The following DENND11 variants were observed in gnomAD, a reference collection of about 807,000 sequenced individuals.
The protein encoded by DENND11 is DENN domain containing 11, also known as DENN domain-containing protein 11.
In DENND11, 34 loss-of-function variants were observed where a neutral mutation model predicts 49.2. The observed-to-expected ratio is 0.69, with a 90% CI of 0.53 to 0.92. The LOEUF (loss-of-function observed/expected upper bound fraction) is 0.92. Ranked by LOEUF, DENND11 falls within the 40% of genes least tolerant of loss-of-function variation. The pLI is 0.00. For synonymous variants in DENND11, 238 were observed against 230.3 expected (o/e 1.03, Z -0.30); for missense variants, 475 against 581.6 (o/e 0.82, Z 1.88).
intron 1 of DENND11, 148 bp downstream of exon 1, chr7:141,701,738 C>T: frequency 1.6e-6 from 1 of 636,426 alleles, no homozygotes; most frequent in Non-Finnish European, 2.1e-6. Flanking sequence ...CCCCGCCCTT[C>T]CCCAAGCCCG....
At chr7:141,670,449 A>T (rs1797963783) in intron 4 of DENND11, among the ~76,000 whole-genome samples, 1 of 152,238 alleles carries the variant, frequency 6.6e-6, no homozygotes, top group South Asian at 2.1e-4. Context: ...AGAAAATTTA[A>T]TACATGTAAA....
chr7:141,661,841 T>C lies in DENND11; in HGVS notation c.*815A>G, dbSNP rs1466809086. 6.6e-6 allele frequency: 1 copy of C among 152,254 alleles called. No individual in the cohort carries two copies. The highest frequency in any genetic ancestry group is 6.5e-5 in the Admixed American group (1 of 15,290). The allele number at this position is 152,254 out of a possible 1,614,324, so 9.4% of individuals were successfully genotyped here. ...TACCCAACTTACTCCAAGAGCATTA[T>C]TGAACCCTTAAGAGACTAAACTGGA... On this transcript the variant is annotated 3_prime_UTR_variant, in exon 9 of 9. Transcript: ENST00000536163.
intron 1 of DENND11, among the ~76,000 whole-genome samples, chr7:141,694,664 C>T (rs1415529469): frequency 6.6e-6 from 1 of 152,204 alleles, no homozygotes; most frequent in Non-Finnish European, 1.5e-5. Context: ...TCTCCACACA[C>T]AGTCAGTTCT....
rs1184146703 is a variant in DENND11 at position 141,681,247 on chromosome 7, A to T, written c.527+4231T>A. Among the ~76,000 whole-genome samples, 3 of 152,240 alleles carry T rather than the reference A, an allele frequency of 2.0e-5. No individual in the cohort carries two copies. In the East Asian group the frequency reaches 5.8e-4, roughly 29 times the overall value. On this transcript the variant is annotated intron_variant, in intron 3 of 8. Transcript: ENST00000536163. Reference sequence around the variant, plus strand: ...TTTAGTGAGCTACTGTAAGAATAAGATAAAAACAAACAAGAACTGGCTGGT... The same window carrying T: ...TTTAGTGAGCTACTGTAAGAATAAGTTAAAAACAAACAAGAACTGGCTGGT...
intron 1 of DENND11, among the ~76,000 whole-genome samples, chr7:141,695,361 G>GA (rs1477512963): frequency 1.3e-5 from 2 of 151,928 alleles, no homozygotes; most frequent in East Asian, 3.9e-4. Context: ...ATAGCAATGT[G>GA]AAAAAAAGGA....
chr7:141,663,224 A>G, intron 8 of DENND11: 1 of 183,174 alleles, frequency 5.5e-6, no homozygotes, highest in Non-Finnish European at 1.1e-5. Flanking sequence ...CAACAACAAC[A>G]AAATGAACGT....
At chr7:141,687,009 T>C (rs75733697) in intron 1 of DENND11, among the ~76,000 whole-genome samples, 1,586 of 152,298 alleles carry the variant, frequency 0.01, 27 homozygotes, top group African/African-American at 0.037. Flanking sequence ...TTCCTTATCT[T>C]GTGTTCTCCC....
At chr7:141,691,749 G>C (rs575054056) in intron 1 of DENND11, among the ~76,000 whole-genome samples, 3 of 152,276 alleles carry the variant, frequency 2.0e-5, no homozygotes, top group South Asian at 4.1e-4. Flanking sequence ...GAATGAAAGG[G>C]AAGTAGGTAG....
chr7:141,674,159 C>A lies in DENND11; in HGVS notation c.589G>T (p.Gly197Trp), dbSNP rs1320566168. Residue 197 changes from glycine (G) to tryptophan (W), a missense_variant, in exon 4 of 9, where the codon GGG becomes TGG. Coordinates refer to ENST00000536163, the MANE Select transcript of DENND11 (RefSeq NM_001080392.2). The part of the protein sequence containing the change: ...HLAAFYEDKK[G>W]VLHAGPGRGS... The stretch of plus-strand genomic sequence containing the variant: ...CTGCCGGGACCAGCATGGAGCACCC[C>A]CTTTTTGTCCTCATAGAAGGCAGCC... 7 of 1,567,720 alleles carry A rather than the reference C, an allele frequency of 4.5e-6. No homozygotes were observed. Among genetic ancestry groups the A allele is most frequent in the East Asian group, 4.7e-5 (2 of 42,348 alleles).
At chr7:141,674,322 G>C in intron 3 of DENND11, 102 bp from the exon 4 acceptor site, 1 of 1,417,712 alleles carries the variant, frequency 7.1e-7, no homozygotes, top group Non-Finnish European at 9.2e-7. Context: ...TCAAGGGGCT[G>C]TAACACTCAG....
chr7:141,674,819 G>A (rs1015735331), intron 3 of DENND11, among the ~76,000 whole-genome samples: 1 of 152,122 alleles, frequency 6.6e-6, no homozygotes, highest in African/African-American at 2.4e-5. Flanking sequence ...CACCAGCTCG[G>A]GTCACAGAGC....
rs146657026 is a variant in DENND11 at position 141,700,982 on chromosome 7, C to T, written c.268+904G>A. Among the ~76,000 whole-genome samples the T allele has an allele frequency of 7.0e-3, 1,073 of 152,216 alleles. 15 individuals are homozygous for T. Among genetic ancestry groups the T allele is most frequent in the African/African-American group, 0.025 (1,045 of 41,534 alleles). Reference sequence around the variant, plus strand: ...TTCCTTAAGCCCTGACACCACGACTCCTGCGATGACACCTCCTTCCCCCAA... The same window carrying T: ...TTCCTTAAGCCCTGACACCACGACTTCTGCGATGACACCTCCTTCCCCCAA... On this transcript the variant is annotated intron_variant, in intron 1 of 8. Coordinates refer to ENST00000536163, the MANE Select transcript of DENND11 (RefSeq NM_001080392.2).
At chr7:141,687,518 C>CA (rs1324512789) in intron 1 of DENND11, among the ~76,000 whole-genome samples, 1 of 151,326 alleles carries the variant, frequency 6.6e-6, no homozygotes, top group Admixed American at 6.6e-5. Context: ...GGCTGGAGTG[C>CA]AGTGGCACAA....
intron 3 of DENND11, among the ~76,000 whole-genome samples, chr7:141,678,884 A>G (rs1798106941): frequency 1.3e-5 from 2 of 152,352 alleles, no homozygotes; most frequent in African/African-American, 4.8e-5. Context: ...CCTTTATTCA[A>G]TAACAGTCCC....
chr7:141,677,434 T>C (rs929837642), intron 3 of DENND11, among the ~76,000 whole-genome samples: 4 of 112,284 alleles, frequency 3.6e-5, no homozygotes, highest in Non-Finnish European at 7.5e-5. Context: ...CACATATATA[T>C]GTGTGTGTGT....
rs1798530142 is a variant in DENND11, at chr7:141,702,032, C to T, written c.122G>A (p.Arg41Gln). ...CCTCCGGGGCGGCTCCGCGGCCGGCCGGGCGCCCCCGCCGCCGCCCCGGCC... is the reference window on the plus strand; with the variant it reads ...CCTCCGGGGCGGCTCCGCGGCCGGCTGGGCGCCCCCGCCGCCGCCCCGGCC... ...GWGRGGGGGA[R>Q]PAAEPPRRRE... The change falls in exon 1 of 9, where the codon CGG becomes CAG. Residue 41 changes from arginine to glutamine, a missense_variant. Arg to Gln is a conservative substitution (Grantham distance 43). Coordinates refer to ENST00000536163, the MANE Select transcript of DENND11 (RefSeq NM_001080392.2). The T allele has an allele frequency of 9.8e-7, 1 of 1,022,738 alleles. No individual in the cohort carries two copies. Among genetic ancestry groups the T allele is most frequent in the Non-Finnish European group, 1.2e-6 (1 of 855,842 alleles). The allele number at this position is 1,022,738 out of a possible 1,614,324, so 63.4% of individuals were successfully genotyped here. A position where few individuals can be genotyped will look rare whatever the true frequency, so the allele number is the denominator to read the frequency against.
intron 5 of DENND11, 61 bp from the exon 6 acceptor site, chr7:141,665,379 G>C: frequency 1.3e-6 from 2 of 1,598,834 alleles, no homozygotes; most frequent in South Asian, 1.1e-5. Context: ...TCCTCCCTCG[G>C]AGCCTGCGGC....
intron 1 of DENND11, among the ~76,000 whole-genome samples, chr7:141,700,402 T>C (rs1295746549): frequency 6.6e-6 from 1 of 150,696 alleles, no homozygotes; most frequent in Non-Finnish European, 1.5e-5. Context: ...TCAACCAGCA[T>C]GTGTGATGAA....
At chr7:141,690,882 G>C (rs1798316995) in intron 1 of DENND11, among the ~76,000 whole-genome samples, 1 of 152,088 alleles carries the variant, frequency 6.6e-6, no homozygotes, top group African/African-American at 2.4e-5. Context: ...GATCAATACA[G>C]TGCTTAATGT....
Sources: gnomAD v4.1 joint callset for allele counts (sites outside exome capture counted in the v4.1 genomes callset) on GRCh38, gnomAD v4.1.1 for gene constraint, MANE v1.5 for transcripts, NCBI Gene and HGNC (gene_info 2026-07-23, HGNC 2026-07-21) for gene names.